NALF1: variants seen among roughly 807,000 people sequenced by gnomAD.
The protein encoded by NALF1 is family with sequence similarity 155 member A.
NALF1 carries 3 observed loss-of-function variants against 48.4 expected under a neutral mutation model. That is an observed-to-expected ratio of 0.06 (90% CI 0.03 to 0.16). The LOEUF is 0.16. Among genes scored for constraint, NALF1 ranks in the 10% least tolerant of loss-of-function variants. NALF1 has a pLI of 1.00. For synonymous variants in NALF1, 262 were observed against 245.7 expected (o/e 1.07, Z -0.62); for missense variants, 526 against 571.5 (o/e 0.92, Z 0.81).
chr13:107,366,455 T>G (rs772744975), intron 1 of NALF1, among the ~76,000 whole-genome samples: 1 of 152,214 alleles, frequency 6.6e-6, no homozygotes, highest in African/African-American at 2.4e-5. Context: ...AAGGCCTGCC[T>G]ATGTGGATGA....
chr13:107,567,396 A>T (rs952265556), intron 1 of NALF1, among the ~76,000 whole-genome samples: 6 of 152,236 alleles, frequency 3.9e-5, no homozygotes, highest in Non-Finnish European at 8.8e-5. Flanking sequence ...TCAAGTCAGA[A>T]ATTAATTAGA....
At chr13:107,633,900 CAT>C (rs1396007005) in intron 1 of NALF1, among the ~76,000 whole-genome samples, 4 of 147,138 alleles carry the variant, frequency 2.7e-5, no homozygotes, top group African/African-American at 7.4e-5. Context: ...ATATGAAACA[CAT>C]ATATATGGAA....
chr13:107,322,057 T>C (rs1364436098), intron 1 of NALF1, among the ~76,000 whole-genome samples: 5 of 152,142 alleles, frequency 3.3e-5, no homozygotes, highest in Non-Finnish European at 5.9e-5. Context: ...CCTTGTCTTG[T>C]ATTTGCGAAG....
At chr13:107,519,228 G>GA (rs926391496) in intron 1 of NALF1, among the ~76,000 whole-genome samples, 4 of 150,964 alleles carry the variant, frequency 2.6e-5, no homozygotes, top group Admixed American at 6.6e-5. Context: ...TCTCAAAGAG[G>GA]AAAAAAAAAT....
chr13:107,593,059 G>A (rs1487796413), intron 1 of NALF1, among the ~76,000 whole-genome samples: 5 of 151,766 alleles, frequency 3.3e-5, no homozygotes, highest in Non-Finnish European at 7.4e-5. Context: ...TACTCTAACT[G>A]CATTAGAGGG....
At position 107,599,421 on chromosome 13, in the gene NALF1, CAA is replaced by C. The variant is rs59715915; in HGVS notation, c.915+266259_915+266260del. On this transcript the variant is annotated intron_variant, in intron 1 of 2. Coordinates refer to ENST00000375915, the MANE Select transcript of NALF1 (RefSeq NM_001080396.3). ...GGGGCAACAGAGCGAGACTCCGTCT[CAA>C]AAAAAAAAAAAAAAAATAACATTAT... Among the ~76,000 whole-genome samples the C allele has an allele frequency of 3.5e-3, 427 of 122,224 alleles. 1 individual carries two copies. The highest frequency in any genetic ancestry group is 0.013 in the African/African-American group (410 of 32,206). 80.2% of individuals were successfully genotyped at this position (122,224 alleles called of 152,430 possible). A position where few individuals can be genotyped will look rare whatever the true frequency, so the allele number is the denominator to read the frequency against.
intron 1 of NALF1, among the ~76,000 whole-genome samples, chr13:107,593,262 TAA>T (rs1339721960): frequency 6.6e-6 from 1 of 151,942 alleles, no homozygotes; most frequent in African/African-American, 2.4e-5. Context: ...TTTATGCATA[TAA>T]GTCAACTTCT....
intron 1 of NALF1, among the ~76,000 whole-genome samples, chr13:107,375,733 A>G (rs1566316087): frequency 1.3e-5 from 2 of 152,186 alleles, no homozygotes; most frequent in Admixed American, 1.3e-4. Context: ...TCAACACAGG[A>G]TATTATCCTC....
intron 1 of NALF1, among the ~76,000 whole-genome samples, chr13:107,527,684 T>C (rs1217833182): frequency 4.6e-5 from 7 of 152,092 alleles, no homozygotes; most frequent in Non-Finnish European, 8.8e-5. Flanking sequence ...ATGGGGGTGG[T>C]TTCTCCATAC....
intron 1 of NALF1, among the ~76,000 whole-genome samples, chr13:107,749,866 C>T (rs1876885469): frequency 6.6e-6 from 1 of 151,982 alleles, no homozygotes; most frequent in Non-Finnish European, 1.5e-5. Flanking sequence ...GTCTCCCAGG[C>T]TGGAATGCAG....
At chr13:107,563,284 G>A (rs947871589) in intron 1 of NALF1, among the ~76,000 whole-genome samples, 6 of 152,134 alleles carry the variant, frequency 3.9e-5, no homozygotes, top group African/African-American at 1.4e-4. Context: ...CACAGACTGT[G>A]GCCTTAAAAA....
intron 1 of NALF1, among the ~76,000 whole-genome samples, chr13:107,748,715 A>G (rs763663311): frequency 1.4e-3 from 207 of 152,350 alleles, no homozygotes; most frequent in Non-Finnish European, 2.4e-3. Context: ...GCTAGTGATA[A>G]AAATTAAATA....
intron 1 of NALF1, among the ~76,000 whole-genome samples, chr13:107,688,750 G>A (rs141778440): frequency 1.4e-3 from 206 of 152,260 alleles, no homozygotes; most frequent in Middle Eastern, 3.4e-3. Context: ...CAAAGACCAC[G>A]GACCTATTGC....
At position 107,750,070 on chromosome 13, in the gene NALF1, A is replaced by G. The variant is rs58403554; in HGVS notation, c.915+115612T>C. Reference sequence around the variant, plus strand: ...CCTGACCTCATGATCCACCCGCCTCAGCCTCCCAAAGTGTTTTTAAATTTT... The same window carrying G: ...CCTGACCTCATGATCCACCCGCCTCGGCCTCCCAAAGTGTTTTTAAATTTT... On this transcript the variant is annotated intron_variant, in intron 1 of 2. Transcript: ENST00000375915. 0.03 allele frequency among the ~76,000 whole-genome samples: 4,529 copies of G among 152,166 alleles called. 351 individuals carry two copies. The East Asian group carries it at 0.31, about 10-fold the overall frequency.
chr13:107,610,248 T>C (rs200359291), intron 1 of NALF1, among the ~76,000 whole-genome samples: 2 of 140,028 alleles, frequency 1.4e-5, no homozygotes, highest in Non-Finnish European at 3.0e-5. Flanking sequence ...ACCTATCTGT[T>C]CTCCTTGCAA....
At chr13:107,511,805 T>C (rs1471942736) in intron 1 of NALF1, among the ~76,000 whole-genome samples, 1 of 152,204 alleles carries the variant, frequency 6.6e-6, no homozygotes, top group Non-Finnish European at 1.5e-5. Flanking sequence ...CATATTGTGA[T>C]TTTACAAGTA....
chr13:107,203,549 C>A (rs1213592787), intron 2 of NALF1, among the ~76,000 whole-genome samples: 1 of 152,142 alleles, frequency 6.6e-6, no homozygotes, highest in Non-Finnish European at 1.5e-5. Flanking sequence ...GCAAGGTCAG[C>A]GAGTGACATC....
rs1302240526 is a variant in NALF1, at chr13:107,519,612, G to C, written c.916-308857C>G. Among the ~76,000 whole-genome samples the C allele has an allele frequency of 2.6e-5, 4 of 152,102 alleles. No homozygotes were observed. The East Asian group carries it at 5.8e-4, about 22-fold the overall frequency. ...AATAGCTGCTTTGGGTTGGGAAAAG[G>C]AAGAGTTGCTGAGGAACCCCATTAA... On this transcript the variant is annotated intron_variant, in intron 1 of 2. Coordinates refer to ENST00000375915, the MANE Select transcript of NALF1 (RefSeq NM_001080396.3).
chr13:107,443,684 T>C (rs1884602805), intron 1 of NALF1, among the ~76,000 whole-genome samples: 1 of 152,154 alleles, frequency 6.6e-6, no homozygotes, highest in South Asian at 2.1e-4. Context: ...TGGGTGTGTT[T>C]AGAAAAGGTA....
Sources: gnomAD v4.1 joint callset for allele counts (sites outside exome capture counted in the v4.1 genomes callset) on GRCh38, gnomAD v4.1.1 for gene constraint, MANE v1.5 for transcripts, NCBI Gene and HGNC (gene_info 2026-07-23, HGNC 2026-07-21) for gene names.